The following HIBCH variants were observed in gnomAD, a reference collection of about 807,000 sequenced individuals.
The protein encoded by HIBCH is 3-hydroxyisobutyryl-CoA hydrolase, also known as 3-hydroxyisobutyryl-CoA hydrolase, mitochondrial.
Under a neutral mutation model 58.2 loss-of-function variants are expected in HIBCH, and 50 were observed. That is an observed-to-expected ratio of 0.86 (90% confidence interval 0.68 to 1.09). The LOEUF (loss-of-function observed/expected upper bound fraction) is 1.09, where lower values mean the gene tolerates loss of function less well. Among genes scored for constraint, HIBCH ranks in the 50% least tolerant of loss-of-function variants. The pLI, the probability that HIBCH is intolerant of heterozygous loss-of-function variation, is 0.00. For missense variants in HIBCH, 450 were observed against 449.7 expected (o/e 1.00, Z -0.01); for synonymous variants, 151 against 146.9 (o/e 1.03, Z -0.20).
At position 190,207,924 on chromosome 2, in the gene HIBCH, G is replaced by A. The variant is rs1489017978; in HGVS notation, c.1045+956C>T. ...ATAAAAAAAACAAAGGATATCCAGA[G>A]TCTGCACTATAGTAAAATAATTAAT... is the stretch of plus-strand genomic sequence containing the variant. On this transcript the variant is annotated intron_variant, in intron 13 of 13. Coordinates refer to ENST00000359678, the MANE Select transcript of HIBCH (RefSeq NM_014362.4). This position sits in a 1 kb window ranked among gnomAD's most constrained non-coding sequence, Gnocchi z 4.5. Among the ~76,000 whole-genome samples the A allele has an allele frequency of 6.6e-6, 1 of 151,960 alleles. No homozygotes were observed. Among genetic ancestry groups the A allele is most frequent in the African/African-American group, 2.4e-5 (1 of 41,358 alleles).
intron 5 of HIBCH, among the ~76,000 whole-genome samples, chr2:190,289,771 T>G (rs2105984368): frequency 6.6e-6 from 1 of 152,288 alleles, no homozygotes; most frequent in South Asian, 2.1e-4. Context: ...AAAGAAATTT[T>G]TATTCCTAAG....
chr2:190,313,142 C>T (rs936839209), intron 1 of HIBCH, among the ~76,000 whole-genome samples: 1 of 152,138 alleles, frequency 6.6e-6, no homozygotes, highest in African/African-American at 2.4e-5. Context: ...CTTCATGCCT[C>T]CTTGCTTTGT....
chr2:190,294,517 G>C lies in HIBCH; in HGVS notation c.304+29C>G, dbSNP rs1488374480. ...TGATCAGTTCTAGTAGGGGGAAAGAGCACTCAGGTGAAAGGGAAAAGTCTT... is the reference window on the plus strand; with the variant it reads ...TGATCAGTTCTAGTAGGGGGAAAGACCACTCAGGTGAAAGGGAAAAGTCTT... On this transcript the variant is annotated intron_variant, in intron 4 of 13. Coordinates refer to ENST00000359678, the MANE Select transcript of HIBCH (RefSeq NM_014362.4). 2.1e-6 allele frequency: 3 copies of C among 1,419,700 alleles called. No individual in the cohort carries two copies. The East Asian group carries it at 6.8e-5, about 32-fold the overall frequency. The allele number at this position is 1,419,700 out of a possible 1,614,324, so 87.9% of individuals were successfully genotyped here.
At chr2:190,233,958 G>A (rs1285389189) in intron 11 of HIBCH, among the ~76,000 whole-genome samples, 1 of 152,222 alleles carries the variant, frequency 6.6e-6, no homozygotes, top group East Asian at 1.9e-4. Flanking sequence ...AGGAATTAGA[G>A]ACCAGCCTGG....
chr2:190,297,797 T>C (rs1283800910), intron 2 of HIBCH, among the ~76,000 whole-genome samples: 1 of 152,202 alleles, frequency 6.6e-6, no homozygotes. Flanking sequence ...TGCAGGTTTG[T>C]TACATAGGTA....
chr2:190,280,103 G>T (rs2664247), intron 6 of HIBCH: 108,278 of 152,134 alleles, frequency 0.71, 39,191 homozygotes, highest in Non-Finnish European at 0.75. Context: ...TTGCGGCACC[G>T]GGGAACAAGG....
intron 6 of HIBCH, among the ~76,000 whole-genome samples, chr2:190,273,119 G>A (rs901642630): frequency 3.3e-5 from 5 of 152,246 alleles, no homozygotes; most frequent in East Asian, 3.9e-4. Flanking sequence ...ACGGCCAGGC[G>A]CAGTGGCTCA....
At chr2:190,287,787 A>C in intron 5 of HIBCH, 149 bp from the exon 6 acceptor site, 2 of 642,988 alleles carry the variant, frequency 3.1e-6, no homozygotes, top group Non-Finnish European at 5.6e-6. Flanking sequence ...TGGCTTATAA[A>C]ATACATATTT....
In HIBCH at chr2:190,210,187, A is replaced by C. The variant is rs907752571; in HGVS notation, c.1012-1274T>G. On this transcript the variant is annotated intron_variant, in intron 12 of 13. Coordinates refer to ENST00000359678, the MANE Select transcript of HIBCH (RefSeq NM_014362.4). This position sits in a 1 kb window ranked among gnomAD's most constrained non-coding sequence, Gnocchi z 5.5. Reference sequence around the variant, plus strand: ...TCTTCACATCCCATTTTTCCTCTCCAACTTACTACACTCTAACTTCTGCCC... The same window carrying C: ...TCTTCACATCCCATTTTTCCTCTCCCACTTACTACACTCTAACTTCTGCCC... 6.6e-6 allele frequency among the ~76,000 whole-genome samples: 1 copy of C among 152,042 alleles called. No individual in the cohort carries two copies. Among genetic ancestry groups the C allele is most frequent in the Non-Finnish European group, 1.5e-5 (1 of 67,990 alleles).
At chr2:190,227,580 T>C (rs1341139618) in intron 11 of HIBCH, among the ~76,000 whole-genome samples, 1 of 152,098 alleles carries the variant, frequency 6.6e-6, no homozygotes, top group Non-Finnish European at 1.5e-5. Flanking sequence ...GGGATCTAAT[T>C]AAACAGCAAA....
chr2:190,293,464 AT>A (rs1688007101), intron 4 of HIBCH, among the ~76,000 whole-genome samples: 1 of 148,268 alleles, frequency 6.7e-6, no homozygotes, highest in African/African-American at 2.6e-5. Flanking sequence ...AAAAAAAAAA[AT>A]AAATAAATAA....
rs998207985 is a variant in HIBCH at position 190,230,493 on chromosome 2, G to A, written c.891+14394C>T. On this transcript the variant is annotated intron_variant, in intron 11 of 13. Coordinates refer to ENST00000359678, the MANE Select transcript of HIBCH (RefSeq NM_014362.4). ...GGGCAGATCACAAGATCAGGAGTTCGAAACCAGCCTGGCCAATAAGGTGAA... is the reference window on the plus strand; with the variant it reads ...GGGCAGATCACAAGATCAGGAGTTCAAAACCAGCCTGGCCAATAAGGTGAA... 5.3e-5 allele frequency among the ~76,000 whole-genome samples: 8 copies of A among 152,262 alleles called. No homozygotes were observed. In the East Asian group the frequency reaches 1.3e-3, roughly 26 times the overall value.
At chr2:190,235,490 A>G (rs1377241587) in intron 11 of HIBCH, among the ~76,000 whole-genome samples, 1 of 152,222 alleles carries the variant, frequency 6.6e-6, no homozygotes, top group Non-Finnish European at 1.5e-5. Context: ...ATATTGAGGT[A>G]TAAATATATG....
chr2:190,234,834 T>TAA (rs545454077), intron 11 of HIBCH, among the ~76,000 whole-genome samples: 2 of 139,276 alleles, frequency 1.4e-5, no homozygotes, highest in Non-Finnish European at 1.6e-5. Flanking sequence ...AGCAAGACTC[T>TAA]AAAAAAAAAA....
intron 11 of HIBCH, among the ~76,000 whole-genome samples, chr2:190,237,488 T>C (rs1686309349): frequency 6.6e-6 from 1 of 152,218 alleles, no homozygotes; most frequent in Non-Finnish European, 1.5e-5. Context: ...ATTTTGGCTA[T>C]TATGAACAAA....
chr2:190,248,405 A>G (rs1686672128), intron 9 of HIBCH, among the ~76,000 whole-genome samples: 1 of 152,130 alleles, frequency 6.6e-6, no homozygotes, highest in Admixed American at 6.5e-5. Context: ...AACTAGGGAA[A>G]AGGGACAGAG....
At chr2:190,307,745 G>GT (rs1270504594) in intron 2 of HIBCH, among the ~76,000 whole-genome samples, 1 of 152,200 alleles carries the variant, frequency 6.6e-6, no homozygotes, top group African/African-American at 2.4e-5. Flanking sequence ...TATTTTCATA[G>GT]TAAGAATATG....
At position 190,226,796 on chromosome 2, in the gene HIBCH, G is replaced by T. The variant is rs61855386; in HGVS notation, c.892-13721C>A. On this transcript the variant is annotated intron_variant, in intron 11 of 13. Coordinates refer to ENST00000359678, the MANE Select transcript of HIBCH (RefSeq NM_014362.4). ...CCTATACACCATTAACAGACAAACA[G>T]AGGGCCAAATCATGAGTGAACTCCC... Among the ~76,000 whole-genome samples, 912 of 152,176 alleles carry T rather than the reference G, an allele frequency of 6.0e-3. 5 individuals carry two copies. Among genetic ancestry groups the T allele is most frequent in the African/African-American group, 0.021 (864 of 41,518 alleles).
In HIBCH at chr2:190,205,232, ACTGT is replaced by A; in HGVS notation, c.1046-4_1046-1del. 1.4e-6 allele frequency: 2 copies of A among 1,480,828 alleles called. No homozygotes were observed. The highest frequency in any genetic ancestry group is 1.9e-6 in the Non-Finnish European group (2 of 1,059,244). 91.7% of individuals were successfully genotyped at this position (1,480,828 alleles called of 1,614,324 possible). A position where few individuals can be genotyped will look rare whatever the true frequency, so the allele number is the denominator to read the frequency against. On this transcript the variant is annotated splice_acceptor_variant and splice_polypyrimidine_tract_variant and intron_variant, in intron 13 of 13. Transcript: ENST00000359678. LOFTEE classifies it high-confidence loss of function. ...TGGACTCTGGTCTTTATCAATTAAA[ACTGT>A]CAAGAGAAGATACAAATGTTAATAC...
Sources: allele counts gnomAD v4.1 joint callset (sites outside exome capture counted in the v4.1 genomes callset), GRCh38; gene constraint gnomAD v4.1.1; non-coding constraint Gnocchi (gnomAD v3.1); transcripts MANE v1.5; gene names NCBI Gene and HGNC (gene_info 2026-07-23, HGNC 2026-07-21).